The following SCN10A variants were observed in gnomAD, a reference collection of about 807,000 sequenced individuals.
SCN10A encodes sodium channel protein type 10 subunit alpha.
SCN10A carries 162 observed loss-of-function variants against 170.7 expected under a neutral mutation model. The observed-to-expected ratio is 0.95, with a 90% confidence interval of 0.84 to 1.08. The LOEUF is 1.08. Among genes scored for constraint, SCN10A ranks in the 50% least tolerant of loss-of-function variants. SCN10A has a pLI of 0.00. For synonymous variants in SCN10A, 985 were observed against 904.6 expected, an observed-to-expected ratio of 1.09 and a Z score of -1.59; for missense variants, 2,527 against 2,436.9, an observed-to-expected ratio of 1.04 and a Z score of -0.78.
At chr3:38,726,544 G>T in intron 17 of SCN10A, 62 bp downstream of exon 17, 2 of 1,349,240 alleles carry the variant, frequency 1.5e-6, no homozygotes, top group Non-Finnish European at 2.0e-6. Context: ...TTTGCCCTTT[G>T]TCACTCAAGC....
intron 4 of SCN10A, among the ~76,000 whole-genome samples, chr3:38,781,714 G>A (rs1162824520): frequency 6.6e-6 from 1 of 152,092 alleles, no homozygotes; most frequent in African/African-American, 2.4e-5. Context: ...TGTGTTGATT[G>A]TAATGGTTCC....
chr3:38,712,015 T>C lies in SCN10A; in HGVS notation c.4089+146A>G. ...AGGAAGGCCCTCTAGCCTCATGGTG[T>C]AGTCTGTAGGAATAGAGAATGACCT... is the stretch of plus-strand genomic sequence containing the variant. On this transcript the variant is annotated intron_variant, in intron 23 of 27. Coordinates refer to ENST00000449082, the MANE Select transcript of SCN10A (RefSeq NM_006514.4). The C allele has an allele frequency of 4.1e-6, 3 of 731,168 alleles. No individual in the cohort carries two copies. In the South Asian group the frequency reaches 5.5e-5, roughly 13 times the overall value. 45.3% of individuals were successfully genotyped at this position (731,168 alleles called of 1,614,324 possible). A position where few individuals can be genotyped will look rare whatever the true frequency, so the allele number is the denominator to read the frequency against.
At chr3:38,704,372 T>C (rs1305677621) in intron 26 of SCN10A, among the ~76,000 whole-genome samples, 2 of 152,200 alleles carry the variant, frequency 1.3e-5, no homozygotes, top group African/African-American at 4.8e-5. Flanking sequence ...GGCCCATTCA[T>C]GGTCACATGA....
At chr3:38,797,926 C>T (rs1396748490) in intron 1 of SCN10A, among the ~76,000 whole-genome samples, 2 of 152,162 alleles carry the variant, frequency 1.3e-5, no homozygotes, top group East Asian at 1.9e-4. Context: ...TTGTTTTCAA[C>T]ATTGGGGTGG....
chr3:38,749,158 C>G (rs989682045), intron 13 of SCN10A, among the ~76,000 whole-genome samples: 2 of 152,200 alleles, frequency 1.3e-5, no homozygotes, highest in African/African-American at 4.8e-5. Context: ...TGAAATCCCT[C>G]AAACATTTTT....
chr3:38,768,670 A>G (rs2126038721), intron 5 of SCN10A, among the ~76,000 whole-genome samples: 2 of 152,292 alleles, frequency 1.3e-5, no homozygotes, highest in East Asian at 3.9e-4. Flanking sequence ...CTTTTGTCTC[A>G]CAGCTCTTAA....
chr3:38,793,622 A>T, intron 2 of SCN10A, 119 bp downstream of exon 2: 1 of 927,164 alleles, frequency 1.1e-6, no homozygotes, highest in Non-Finnish European at 1.6e-6. Flanking sequence ...TTTGGTTGTT[A>T]ACGGAATCTT....
intron 4 of SCN10A, among the ~76,000 whole-genome samples, chr3:38,776,647 G>A (rs948621398): frequency 6.6e-6 from 1 of 151,982 alleles, no homozygotes; most frequent in African/African-American, 2.4e-5. Context: ...TATGTGCATA[G>A]AGATCCTTAG....
At position 38,698,560 on chromosome 3, in the gene SCN10A, G is replaced by A. The variant is rs745999522; in HGVS notation, c.4660C>T (p.Leu1554=). The A allele has an allele frequency of 8.0e-5, 129 of 1,609,962 alleles. 1 individual carries two copies. The highest frequency in any genetic ancestry group is 4.9e-4 in the Middle Eastern group (3 of 6,072). Residue 1554 remains leucine (L), a splice_region_variant and synonymous_variant, in exon 28 of 28, where the codon CTG becomes TTG. Transcript: ENST00000449082. ...GACTTAAGAATTGCAGAAAAAATCA[G>A]GCCTTTAAAAGAAGGAAGAAATTAT... The part of the protein sequence containing the change: ...FIVVVLSIAS[L]IFSAILKSLQ...
intron 15 of SCN10A, among the ~76,000 whole-genome samples, chr3:38,737,897 T>G (rs2063588015): frequency 6.6e-6 from 1 of 150,488 alleles, no homozygotes; most frequent in Non-Finnish European, 1.5e-5. Flanking sequence ...CTTTCTTTCA[T>G]CTGTCTTTCT....
At chr3:38,781,452 T>C (rs1350323042) in intron 4 of SCN10A, among the ~76,000 whole-genome samples, 1 of 152,164 alleles carries the variant, frequency 6.6e-6, no homozygotes, top group African/African-American at 2.4e-5. Flanking sequence ...AACAACCGAC[T>C]GCATGTCACA....
At chr3:38,722,435 G>A in intron 19 of SCN10A, 23 bp from the exon 20 acceptor site, 1 of 1,610,610 alleles carries the variant, frequency 6.2e-7, no homozygotes. Context: ...GTGACTGATG[G>A]TGGGTGATGG....
At chr3:38,736,361 CTGTGTG>C (rs68001863) in intron 15 of SCN10A, among the ~76,000 whole-genome samples, 1,573 of 139,448 alleles carry the variant, frequency 0.011, 16 homozygotes, top group African/African-American at 0.028. Flanking sequence ...TAGGGAAACT[CTGTGTG>C]TGTGTGTGTG....
In SCN10A at chr3:38,728,809, G is replaced by A. The variant is rs1433536150; in HGVS notation, c.2373C>T (p.Thr791=). ...GNSVGALGNL[T]IILAIIVFVF... ...CAAAGACAATGATGGCCAGGATGAT[G>A]GTGAGGTTCCCCAGTGCCCCCACTG... The change falls in exon 16 of 28, where the codon ACC becomes ACT. Residue 791 remains threonine, a synonymous_variant. Coordinates refer to ENST00000449082, the MANE Select transcript of SCN10A (RefSeq NM_006514.4). The A allele has an allele frequency of 3.1e-6, 5 of 1,614,018 alleles. No homozygotes were observed. Among genetic ancestry groups the A allele is most frequent in the Non-Finnish European group, 4.2e-6 (5 of 1,180,038 alleles).
At chr3:38,775,515 A>G (rs2064062300) in intron 4 of SCN10A, among the ~76,000 whole-genome samples, 1 of 152,176 alleles carries the variant, frequency 6.6e-6, no homozygotes, top group African/African-American at 2.4e-5. Flanking sequence ...ACGCTGCTAC[A>G]AACATTAGTG....
At position 38,725,264 on chromosome 3, in the gene SCN10A, C is replaced by T. The variant is rs371613636; in HGVS notation, c.3138G>A (p.Arg1046=). The part of the protein sequence containing the change: ...VERCGDHLTP[R]SPGTGTSSED... ...CAGAAGATGTTCCAGTGCCTGGGCT[C>T]CTGGGTGTCAGGTGGTCCCCACACC... The change falls in exon 18 of 28, where the codon AGG becomes AGA. Residue 1046 remains arginine, a synonymous_variant. Coordinates refer to ENST00000449082, the MANE Select transcript of SCN10A (RefSeq NM_006514.4). The T allele has an allele frequency of 7.4e-5, 119 of 1,602,680 alleles. 1 individual carries two copies. In the South Asian group the frequency reaches 7.9e-4, roughly 11 times the overall value.
chr3:38,728,332 C>T (rs564283486), intron 16 of SCN10A, among the ~76,000 whole-genome samples: 115 of 152,338 alleles, frequency 7.5e-4, no homozygotes, highest in Non-Finnish European at 1.5e-3. Context: ...TCTTTCTTTT[C>T]TAATCATATG....
intron 8 of SCN10A, among the ~76,000 whole-genome samples, chr3:38,758,321 T>C (rs566628711): frequency 3.5e-4 from 54 of 152,364 alleles, no homozygotes; most frequent in African/African-American, 1.3e-3. Flanking sequence ...GTAGGTTTCT[T>C]AATTAACTCT....
chr3:38,744,345 A>G (rs1575990313), intron 13 of SCN10A, among the ~76,000 whole-genome samples: 1 of 152,308 alleles, frequency 6.6e-6, no homozygotes, highest in South Asian at 2.1e-4. Flanking sequence ...CACTTGAAAA[A>G]TCAGTTTAGA....
Sources: gnomAD v4.1 joint callset for allele counts (sites outside exome capture counted in the v4.1 genomes callset) on GRCh38, gnomAD v4.1.1 for gene constraint, MANE v1.5 for transcripts, NCBI Gene and HGNC (gene_info 2026-07-23, HGNC 2026-07-21) for gene names.